FRAS1: variants seen among roughly 807,000 people sequenced by gnomAD.
FRAS1 encodes extracellular matrix organizing protein FRAS1.
In FRAS1, 290 loss-of-function variants were observed where a neutral mutation model predicts 435.2. That is an observed-to-expected ratio of 0.67 (90% confidence interval 0.61 to 0.73). The LOEUF (loss-of-function observed/expected upper bound fraction) is 0.73, where lower values mean the gene tolerates loss of function less well. Ranked by LOEUF, FRAS1 falls within the 30% of genes least tolerant of loss-of-function variation. The pLI is 0.00. For missense variants in FRAS1, 4,860 were observed against 5,001.5 expected (o/e 0.97, Z 0.85); for synonymous variants, 1,800 against 1,851.0 (o/e 0.97, Z 0.71).
At chr4:78,219,030 G>T (rs1560587092) in intron 2 of FRAS1, among the ~76,000 whole-genome samples, 1 of 152,160 alleles carries the variant, frequency 6.6e-6, no homozygotes, top group Non-Finnish European at 1.5e-5. Flanking sequence ...GAGGATTTCA[G>T]CTCCAGTATA....
chr4:78,379,531 T>C (rs1731925318), intron 26 of FRAS1, 195 bp from the exon 27 acceptor site: 1 of 582,218 alleles, frequency 1.7e-6, no homozygotes, highest in Non-Finnish European at 2.9e-6. Flanking sequence ...CTGACGGTTG[T>C]GGTCTTTTGT....
chr4:78,318,718 G>A, intron 17 of FRAS1, 92 bp from the exon 18 acceptor site: 2 of 1,236,982 alleles, frequency 1.6e-6, no homozygotes, highest in Non-Finnish European at 2.2e-6. Context: ...GCTGCATTTG[G>A]TGAACTTTTC....
Position 78,252,489 on chromosome 4 carries a change from G to A in FRAS1, c.407G>A (p.Gly136Glu). 6.2e-7 allele frequency: 1 copy of A among 1,613,832 alleles called. No homozygotes were observed. The highest frequency in any genetic ancestry group is 1.7e-4 in the Middle Eastern group (1 of 6,060). Residue 136 changes from glycine to glutamate, a missense_variant, in exon 5 of 74, where the codon GGA becomes GAA. Gly to Glu is a moderately conservative substitution (Grantham distance 98). Coordinates refer to ENST00000512123, the MANE Select transcript of FRAS1 (RefSeq NM_025074.7). ...TPQPCPPLSC[G>E]HQELAFIPEG... The stretch of plus-strand genomic sequence containing the variant: ...CAACCATGCCCACCGCTGTCATGTG[G>A]ACACCAGGAGCTGGCATTCATCCCT...
chr4:78,304,920 C>T (rs1728626968), intron 14 of FRAS1, among the ~76,000 whole-genome samples: 1 of 152,012 alleles, frequency 6.6e-6, no homozygotes, highest in Admixed American at 6.6e-5. Flanking sequence ...AATGTGTTTG[C>T]ACTTGCTTTT....
At position 78,113,568 on chromosome 4, in the gene FRAS1, T is replaced by G. The variant is rs370920933; in HGVS notation, c.108+47552T>G. The stretch of plus-strand genomic sequence containing the variant: ...CATTGTGGTTTTGATTTGCATTTCT[T>G]TGATGGCCAGTGATGATGAGCATTT... On this transcript the variant is annotated intron_variant, in intron 2 of 73. Coordinates refer to ENST00000512123, the MANE Select transcript of FRAS1 (RefSeq NM_025074.7). 1.7e-4 allele frequency among the ~76,000 whole-genome samples: 26 copies of G among 152,256 alleles called. No homozygotes were observed. The South Asian group carries it at 4.8e-3, about 28-fold the overall frequency.
chr4:78,411,044 T>G (rs1453714731), intron 31 of FRAS1, among the ~76,000 whole-genome samples: 1 of 152,170 alleles, frequency 6.6e-6, no homozygotes, highest in East Asian at 1.9e-4. Context: ...CCTTTTCTAA[T>G]AATTCTTTTC....
chr4:78,241,698 T>C (rs76511907), intron 3 of FRAS1, among the ~76,000 whole-genome samples: 2,688 of 152,122 alleles, frequency 0.018, 85 homozygotes, highest in African/African-American at 0.062. Context: ...AGGATCTCCC[T>C]GGAGGAAATA....
At chr4:78,489,968 C>CGAAAAAAAAAAA (rs764001491) in intron 59 of FRAS1, among the ~76,000 whole-genome samples, 1 of 92,598 alleles carries the variant, frequency 1.1e-5, no homozygotes, top group Non-Finnish European at 2.1e-5. Flanking sequence ...TAGTGGAAAA[C>CGAAAAAAAAAAA]AAAAAAAAAA....
intron 58 of FRAS1, among the ~76,000 whole-genome samples, chr4:78,483,647 C>T (rs769361961): frequency 6.6e-6 from 1 of 151,378 alleles, no homozygotes; most frequent in Non-Finnish European, 1.5e-5. Flanking sequence ...TGGCAAAAAG[C>T]GTATACTATG....
At chr4:78,539,082 G>T (rs1721972253) in intron 72 of FRAS1, among the ~76,000 whole-genome samples, 8 of 152,076 alleles carry the variant, frequency 5.3e-5, no homozygotes, top group Admixed American at 5.2e-4. Context: ...TGGGGATTAT[G>T]GGAACTGTAA....
Position 78,508,942 on chromosome 4 carries a change from A to T in FRAS1, c.9716A>T (p.Asn3239Ile). Residue 3239 changes from asparagine (N) to isoleucine (I), a missense_variant, in exon 63 of 74, where the codon AAT becomes ATT. Transcript: ENST00000512123. ...GAAGTGGCTGCCCCCACTGATGGCA[A>T]TGGGGCCCGGTCTCCCTTTGAAACC... ...SWEVAAPTDG[N>I]GARSPFETIT... The T allele has an allele frequency of 6.2e-7, 1 of 1,613,942 alleles. No individual in the cohort carries two copies. Among genetic ancestry groups the T allele is most frequent in the Non-Finnish European group, 8.5e-7 (1 of 1,179,856 alleles).
chr4:78,529,803 G>A (rs924560306), intron 70 of FRAS1, among the ~76,000 whole-genome samples: 1 of 152,146 alleles, frequency 6.6e-6, no homozygotes, highest in Admixed American at 6.5e-5. Context: ...GAGCAGAAAG[G>A]CACAAGATTT....
intron 58 of FRAS1, among the ~76,000 whole-genome samples, chr4:78,483,797 TAAA>T (rs551105895): frequency 1.5e-4 from 9 of 58,242 alleles, no homozygotes; most frequent in South Asian, 2.0e-3. Flanking sequence ...TATATATATA[TAAA>T]ATTATGTATG....
chr4:78,369,746 T>C, intron 22 of FRAS1, 92 bp from the exon 23 acceptor site: 3 of 1,181,480 alleles, frequency 2.5e-6, no homozygotes, highest in Non-Finnish European at 3.5e-6. Context: ...GGAACAAGGC[T>C]TTGTTCCTAT....
At chr4:78,471,871 T>A (rs1719718342) in intron 51 of FRAS1, among the ~76,000 whole-genome samples, 1 of 152,202 alleles carries the variant, frequency 6.6e-6, no homozygotes, top group Non-Finnish European at 1.5e-5. Context: ...CAACTCCAGA[T>A]GAAATTAATC....
intron 3 of FRAS1, among the ~76,000 whole-genome samples, chr4:78,243,206 A>G (rs1480436248): frequency 1.3e-5 from 2 of 152,184 alleles, no homozygotes; most frequent in Admixed American, 6.5e-5. Context: ...ATATATGTAT[A>G]TATCTATATG....
chr4:78,469,071 C>A (rs1028183866), intron 50 of FRAS1, among the ~76,000 whole-genome samples: 1 of 152,082 alleles, frequency 6.6e-6, no homozygotes, highest in Non-Finnish European at 1.5e-5. Flanking sequence ...TTTTTCTCTC[C>A]CAAACTGTAG....
chr4:78,539,418 T>G lies in FRAS1; in HGVS notation c.11423T>G (p.Leu3808Arg). ...ATGCCAGGTGTGGATGGATTTACTC[T>G]AAAAGTAGATGCACTCTATAAGGTG... Reference protein sequence around the residue: ...SNMPGVDGFTLKVDALYKVEA... With the variant: ...SNMPGVDGFTRKVDALYKVEA... The change falls in exon 73 of 74, where the codon CTA becomes CGA. Residue 3808 changes from leucine to arginine, a missense_variant. Leu to Arg is a moderately radical substitution (Grantham distance 102). Transcript: ENST00000512123. The G allele has an allele frequency of 6.2e-7, 1 of 1,610,642 alleles. No individual in the cohort carries two copies. The highest frequency in any genetic ancestry group is 1.1e-5 in the South Asian group (1 of 90,528).
intron 20 of FRAS1, among the ~76,000 whole-genome samples, chr4:78,339,596 T>C (rs1266314131): frequency 2.0e-5 from 3 of 152,198 alleles, no homozygotes; most frequent in African/African-American, 7.2e-5. Context: ...TGGTGGGCTT[T>C]CTGAGCATGG....
Sources: gnomAD v4.1 joint callset for allele counts (sites outside exome capture counted in the v4.1 genomes callset) on GRCh38, gnomAD v4.1.1 for gene constraint, MANE v1.5 for transcripts, NCBI Gene and HGNC (gene_info 2026-07-23, HGNC 2026-07-21) for gene names.